Variants in CNTN4 observed in about 807,000 individuals in gnomAD.
CNTN4 encodes contactin 4.
In CNTN4, 77 loss-of-function variants were observed where a neutral mutation model predicts 122.5. The ratio of observed to expected loss-of-function variants is 0.63; its 90% CI spans 0.52 to 0.76. CNTN4 has a LOEUF of 0.76. Ranked by LOEUF, CNTN4 falls within the 30% of genes least tolerant of loss-of-function variation. The probability of loss-of-function intolerance (pLI) is 0.00; values close to 1 mark genes in which losing one functional copy is unlikely to be tolerated. For synonymous variants in CNTN4, 512 were observed against 447.0 expected (o/e 1.15, Z -1.83); for missense variants, 1,256 against 1,259.1 (o/e 1.00, Z 0.04).
intron 2 of CNTN4, among the ~76,000 whole-genome samples, chr3:2,197,656 CTAAA>C (rs547668841): frequency 2.3e-4 from 35 of 152,074 alleles, no homozygotes; most frequent in African/African-American, 8.2e-4. Context: ...CAGCTGTATC[CTAAA>C]TAAAAAATAC....
At chr3:2,249,738 G>A (rs2040302432) in intron 2 of CNTN4, among the ~76,000 whole-genome samples, 1 of 151,940 alleles carries the variant, frequency 6.6e-6, no homozygotes, top group Non-Finnish European at 1.5e-5. Flanking sequence ...AGGTAATAGA[G>A]TGGGTAATGG....
chr3:2,186,002 A>G (rs866895695), intron 2 of CNTN4, among the ~76,000 whole-genome samples: 4 of 152,076 alleles, frequency 2.6e-5, no homozygotes, highest in Non-Finnish European at 4.4e-5. Flanking sequence ...ACATATGTAT[A>G]CATGAGCCAT....
intron 3 of CNTN4, among the ~76,000 whole-genome samples, chr3:2,539,434 CAAAT>C (rs890355352): frequency 6.6e-6 from 1 of 152,006 alleles, no homozygotes; most frequent in African/African-American, 2.4e-5. Flanking sequence ...GTTTTGGAAA[CAAAT>C]AAGATTTTTC....
At chr3:2,302,451 T>G (rs1211552024) in intron 2 of CNTN4, among the ~76,000 whole-genome samples, 1 of 152,140 alleles carries the variant, frequency 6.6e-6, no homozygotes, top group Non-Finnish European at 1.5e-5. Flanking sequence ...ACAGACATCT[T>G]AGAATTGTTT....
At chr3:2,891,377 G>T (rs1235371046) in intron 10 of CNTN4, among the ~76,000 whole-genome samples, 1 of 152,128 alleles carries the variant, frequency 6.6e-6, no homozygotes, top group Admixed American at 6.5e-5. Context: ...AACCCAGGAG[G>T]CGGAGGTTCC....
At chr3:3,032,804 G>A (rs1194211601) in intron 16 of CNTN4, among the ~76,000 whole-genome samples, 2 of 152,144 alleles carry the variant, frequency 1.3e-5, no homozygotes, top group Admixed American at 1.3e-4. Context: ...CCCTGAGTGT[G>A]TTATCATTTT....
intron 3 of CNTN4, among the ~76,000 whole-genome samples, chr3:2,509,986 T>C (rs755928191): frequency 7.2e-5 from 11 of 152,200 alleles, no homozygotes; most frequent in Non-Finnish European, 1.2e-4. Flanking sequence ...AGACACAGTT[T>C]GTGTACAACT....
chr3:2,459,078 CT>C, intron 3 of CNTN4, among the ~76,000 whole-genome samples: 1 of 152,206 alleles, frequency 6.6e-6, no homozygotes, highest in Admixed American at 6.6e-5. Context: ...AAAGGATACC[CT>C]GTGGTTATGA....
At chr3:2,353,883 A>G (rs535398325) in intron 3 of CNTN4, among the ~76,000 whole-genome samples, 273 of 152,268 alleles carry the variant, frequency 1.8e-3, no homozygotes, top group African/African-American at 6.1e-3. Flanking sequence ...TGGGCGACAG[A>G]GCGAGACTCC....
chr3:2,255,631 A>G (rs1207746168), intron 2 of CNTN4, among the ~76,000 whole-genome samples: 1 of 152,204 alleles, frequency 6.6e-6, no homozygotes, highest in African/African-American at 2.4e-5. Flanking sequence ...AGGATTAAGA[A>G]ACTCACTCAA....
At chr3:2,873,321 A>G (rs1225568732) in intron 8 of CNTN4, among the ~76,000 whole-genome samples, 1 of 152,226 alleles carries the variant, frequency 6.6e-6, no homozygotes, top group Non-Finnish European at 1.5e-5. Flanking sequence ...GCCAGATAAT[A>G]TCAGGTTTAA....
Position 2,604,332 on chromosome 3 carries a change from G to A in CNTN4, c.55+32774G>A, listed in dbSNP as rs192717607. 1.4e-3 allele frequency among the ~76,000 whole-genome samples: 207 copies of A among 152,172 alleles called. 1 individual carries two copies. The highest frequency in any genetic ancestry group is 4.8e-3 in the African/African-American group (200 of 41,538). The stretch of plus-strand genomic sequence containing the variant: ...ACTTTTGTGTATCCTAGTCACCAGA[G>A]GAAAGATGTTTTTTCATTTATTCAA... On this transcript the variant is annotated intron_variant, in intron 4 of 24. Transcript: ENST00000418658.
chr3:2,451,434 G>C (rs1389456147), intron 3 of CNTN4, among the ~76,000 whole-genome samples: 1 of 126,238 alleles, frequency 7.9e-6, no homozygotes. Context: ...AAATAGTTTA[G>C]ACTGGGGAGG....
Position 2,578,719 on chromosome 3 carries a change from A to G in CNTN4, c.55+7161A>G, listed in dbSNP as rs73805336. Reference sequence around the variant, plus strand: ...TTGTAAGAAAATGACTTGCCGGTGTATTTACAATCATGCTGACCGAAGCCA... The same window carrying G: ...TTGTAAGAAAATGACTTGCCGGTGTGTTTACAATCATGCTGACCGAAGCCA... On this transcript the variant is annotated intron_variant, in intron 4 of 24. Transcript: ENST00000418658. 5.4e-3 allele frequency among the ~76,000 whole-genome samples: 816 copies of G among 152,258 alleles called. 12 individuals are homozygous for G. Among genetic ancestry groups the G allele is most frequent in the African/African-American group, 0.019 (780 of 41,538 alleles).
At chr3:2,507,145 C>G (rs1197112956) in intron 3 of CNTN4, among the ~76,000 whole-genome samples, 1 of 152,138 alleles carries the variant, frequency 6.6e-6, no homozygotes, top group Non-Finnish European at 1.5e-5. Context: ...GTTTTAATCT[C>G]AGCACTCAGT....
chr3:2,683,575 A>G (rs1035226938), intron 4 of CNTN4, among the ~76,000 whole-genome samples: 5 of 152,062 alleles, frequency 3.3e-5, no homozygotes, highest in African/African-American at 1.2e-4. Context: ...TTTTTCCATT[A>G]TTATTGATGT....
At chr3:2,812,955 A>G (rs184764985) in intron 6 of CNTN4, among the ~76,000 whole-genome samples, 35 of 152,332 alleles carry the variant, frequency 2.3e-4, no homozygotes, top group Admixed American at 7.2e-4. Context: ...CTCTTGCTAT[A>G]TACTCTCTTA....
Position 2,586,674 on chromosome 3 carries a change from C to T in CNTN4, c.55+15116C>T, listed in dbSNP as rs1424368969. ...TGTCCCAGTGCCTCTTCAGTCTAGTCCTTCAATAGCTTCCTCCTCAGTTAC... is the reference window on the plus strand; with the variant it reads ...TGTCCCAGTGCCTCTTCAGTCTAGTTCTTCAATAGCTTCCTCCTCAGTTAC... On this transcript the variant is annotated intron_variant, in intron 4 of 24. Transcript: ENST00000418658. Among the ~76,000 whole-genome samples the T allele has an allele frequency of 2.0e-5, 3 of 152,168 alleles. No homozygotes were observed. The South Asian group carries it at 6.2e-4, about 32-fold the overall frequency.
chr3:2,505,515 A>G (rs2076709639), intron 3 of CNTN4, among the ~76,000 whole-genome samples: 1 of 152,200 alleles, frequency 6.6e-6, no homozygotes, highest in African/African-American at 2.4e-5. Flanking sequence ...CAAAGTTTAT[A>G]CATTTGCTTT....
Sources: gnomAD v4.1 joint callset for allele counts (sites outside exome capture counted in the v4.1 genomes callset) on GRCh38, gnomAD v4.1.1 for gene constraint, MANE v1.5 for transcripts, NCBI Gene and HGNC (gene_info 2026-07-23, HGNC 2026-07-21) for gene names.